The following SPATA31C1 variants were observed in gnomAD, a reference collection of about 807,000 sequenced individuals.
The protein encoded by SPATA31C1 is SPATA31 subfamily C member 1.
exon 5 of SPATA31C1, chr9:87,922,326 G>A: frequency 1.2e-6 from 2 of 1,611,420 alleles, no homozygotes; most frequent in Non-Finnish European, 8.5e-7. Flanking sequence ...CAGGGAGGCA[G>A]TGCCACAACC....
chr9:87,923,112 C>A (rs764962511), exon 5 of SPATA31C1: 1 of 1,603,330 alleles, frequency 6.2e-7, no homozygotes. Flanking sequence ...TGGACAGATA[C>A]CGGAGGAGAA....
intron 1 of SPATA31C1, among the ~76,000 whole-genome samples, chr9:87,916,594 G>T (rs1237324625): frequency 6.0e-5 from 9 of 150,256 alleles, no homozygotes; most frequent in South Asian, 2.2e-4. Flanking sequence ...CTAAAGGCAT[G>T]AACCGATATT....
At position 87,923,133 on chromosome 9, in the gene SPATA31C1, T is replaced by C. The variant is rs532290260; in HGVS notation, n.3523T>C. 6.2e-6 allele frequency: 10 copies of C among 1,603,532 alleles called. No homozygotes were observed. In the East Asian group the frequency reaches 6.7e-5, roughly 11 times the overall value. On this transcript the variant is annotated non_coding_transcript_exon_variant, in exon 5 of 5. Coordinates refer to ENST00000420021, the Ensembl canonical transcript of SPATA31C1. ...GATACCGGAGGAGAACATGTCACTT[T>C]GCCATGCGCGCCATGCCTCGAAGGT...
At chr9:87,915,444 C>T (rs1285040438) in intron 1 of SPATA31C1, among the ~76,000 whole-genome samples, 2 of 144,808 alleles carry the variant, frequency 1.4e-5, no homozygotes, top group African/African-American at 2.5e-5. Flanking sequence ...CTGGGGATTA[C>T]AGGCGCCCGC....
chr9:87,920,471 C>T lies in SPATA31C1; in HGVS notation n.861C>T, dbSNP rs375322331. 5.5e-4 allele frequency: 892 copies of T among 1,613,978 alleles called. 2 individuals carry two copies. The highest frequency in any genetic ancestry group is 4.1e-3 in the Middle Eastern group (25 of 6,052). ...CCCCACCACCAGGCCCAATGACCAC[C>T]TCAGTCTCCTCCCTAAGTGCCTCCC... On this transcript the variant is annotated non_coding_transcript_exon_variant, in exon 5 of 5. Transcript: ENST00000420021.
exon 5 of SPATA31C1, chr9:87,922,404 A>T: frequency 6.2e-7 from 1 of 1,610,236 alleles, no homozygotes; most frequent in Non-Finnish European, 8.5e-7. Flanking sequence ...GCGTGGTTTC[A>T]AGGCTCCAGG....
chr9:87,920,092 G>A (rs1200513558), intron 4 of SPATA31C1, 116 bp downstream of exon 3: 4 of 1,607,466 alleles, frequency 2.5e-6, no homozygotes, highest in Non-Finnish European at 3.4e-6. Flanking sequence ...GAGGATGGGA[G>A]TAAAGCCCTG....
chr9:87,917,374 G>A (rs1329843809), intron 1 of SPATA31C1, among the ~76,000 whole-genome samples: 178 of 143,064 alleles, frequency 1.2e-3, no homozygotes, highest in African/African-American at 4.0e-3. Flanking sequence ...CCAAGATCAC[G>A]CCACTGCACT....
chr9:87,918,918 G>T, intron 2 of SPATA31C1: 1 of 354,844 alleles, frequency 2.8e-6, no homozygotes, highest in South Asian at 2.1e-5. Context: ...GATTACAGGC[G>T]CCCGCCACCA....
intron 1 of SPATA31C1, among the ~76,000 whole-genome samples, chr9:87,915,331 TTTTG>T: frequency 7.1e-6 from 1 of 140,428 alleles, no homozygotes; most frequent in East Asian, 2.6e-4. Flanking sequence ...TTTTTATTTA[TTTTG>T]TTTTTTGTGC....
At chr9:87,919,230 C>G (rs1441070903) in intron 2 of SPATA31C1, 25 bp from the exon 2 acceptor site, 1 of 1,602,144 alleles carries the variant, frequency 6.2e-7, no homozygotes, top group Non-Finnish European at 8.5e-7. Context: ...CCGGTCCTAG[C>G]TCCTCGCCAT....
At chr9:87,922,846 T>G in exon 5 of SPATA31C1, 1 of 1,606,256 alleles carries the variant, frequency 6.2e-7, no homozygotes, top group Non-Finnish European at 8.5e-7. Context: ...TTTCAAGGAT[T>G]GAGGACTCCT....
intron 2 of SPATA31C1, 126 bp from the exon 2 acceptor site, chr9:87,919,129 G>A (rs772913039): frequency 2.8e-6 from 4 of 1,404,284 alleles, no homozygotes; most frequent in South Asian, 2.4e-5. Context: ...GAGTGGGAGG[G>A]GAGAAAGCAC....
In SPATA31C1 at chr9:87,920,703, T is replaced by A; in HGVS notation, n.1093T>A. On this transcript the variant is annotated non_coding_transcript_exon_variant, in exon 5 of 5. Transcript: ENST00000420021. ...TCCACTGGACACCGTCCCTCAAAGC[T>A]TGTCTCCACGTGAGGATTTGGCGGC... 6 of 1,613,962 alleles carry A rather than the reference T, an allele frequency of 3.7e-6. No homozygotes were observed. The Admixed American group carries it at 1.0e-4, about 27-fold the overall frequency.
chr9:87,916,784 T>G (rs1828733139), intron 1 of SPATA31C1, among the ~76,000 whole-genome samples: 1 of 90,340 alleles, frequency 1.1e-5, no homozygotes, highest in Admixed American at 1.1e-4. Context: ...GATCACAAGG[T>G]CAGGAGAACA....
At chr9:87,920,940 T>C in exon 5 of SPATA31C1, 3 of 1,613,070 alleles carry the variant, frequency 1.9e-6, no homozygotes, top group African/African-American at 1.3e-5. Context: ...CTTTATTTCA[T>C]CCACACCCCA....
chr9:87,918,862 C>A (rs1209826515), intron 2 of SPATA31C1: 2 of 320,406 alleles, frequency 6.2e-6, no homozygotes, highest in African/African-American at 4.4e-5. Flanking sequence ...ACCTTTGCTT[C>A]CAGAGTTCAA....
At chr9:87,922,510 G>T in exon 5 of SPATA31C1, 1 of 1,610,732 alleles carries the variant, frequency 6.2e-7, no homozygotes, top group Non-Finnish European at 8.5e-7. Context: ...TTTGAGCCTG[G>T]AATGGCCACG....
chr9:87,923,002 G>A, exon 5 of SPATA31C1: 1 of 1,576,062 alleles, frequency 6.3e-7, no homozygotes, highest in Non-Finnish European at 8.6e-7. Context: ...AAGAAAGAAA[G>A]GAAGCCAGCA....
Sources: gnomAD v4.1 joint callset for allele counts (sites outside exome capture counted in the v4.1 genomes callset) on GRCh38, gnomAD v4.1.1 for gene constraint, MANE v1.5 for transcripts, NCBI Gene and HGNC (gene_info 2026-07-23, HGNC 2026-07-21) for gene names.